XKR9: variants seen among roughly 807,000 people sequenced by gnomAD.
The protein encoded by XKR9 is XK related 9.
A neutral mutation model predicts 32.0 loss-of-function variants in XKR9; 32 were observed. That is an observed-to-expected ratio of 1.00 (90% CI 0.76 to 1.34). The LOEUF (loss-of-function observed/expected upper bound fraction) is 1.34, where lower values mean the gene tolerates loss of function less well. Ranked by LOEUF, XKR9 falls within the 40% of genes most tolerant of loss-of-function variation. The pLI, the probability that XKR9 is intolerant of heterozygous loss-of-function variation, is 0.00. For missense variants in XKR9, 546 were observed against 429.7 expected (o/e 1.27, Z -2.39); for synonymous variants, 168 against 143.4 (o/e 1.17, Z -1.22).
the XKR9 span, among the ~76,000 whole-genome samples, chr8:70,978,629 T>G: frequency 1.1e-4 from 16 of 152,240 alleles, no homozygotes; most frequent in Admixed American, 2.6e-4. Context: ...CACTTTCTTT[T>G]GTGGGTAACC....
chr8:71,030,616 A>G, the XKR9 span, among the ~76,000 whole-genome samples: 1 of 152,212 alleles, frequency 6.6e-6, no homozygotes, highest in South Asian at 2.1e-4. Context: ...TGGGAATTTA[A>G]TGATAAAATT....
At chr8:71,006,760 G>A in the XKR9 span, among the ~76,000 whole-genome samples, 1 of 152,264 alleles carries the variant, frequency 6.6e-6, no homozygotes, top group Non-Finnish European at 1.5e-5. Flanking sequence ...AAAAACTGAA[G>A]CAGCCATTGT....
At chr8:70,887,489 G>A in the XKR9 span, among the ~76,000 whole-genome samples, 2 of 152,088 alleles carry the variant, frequency 1.3e-5, no homozygotes, top group Non-Finnish European at 2.9e-5. Context: ...GATGGGAATA[G>A]CATTGAATCT....
the XKR9 span, among the ~76,000 whole-genome samples, chr8:70,819,848 A>C: frequency 1.3e-5 from 2 of 152,260 alleles, no homozygotes; most frequent in East Asian, 1.9e-4. Context: ...CTCTATGTTG[A>C]GATTTGGACC....
At chr8:70,871,145 G>A in the XKR9 span, among the ~76,000 whole-genome samples, 18 of 152,100 alleles carry the variant, frequency 1.2e-4, no homozygotes, top group South Asian at 3.5e-3. Context: ...GTTGCATAAT[G>A]ATTTTCTATT....
At chr8:70,858,945 G>A in the XKR9 span, among the ~76,000 whole-genome samples, 19 of 152,024 alleles carry the variant, frequency 1.2e-4, no homozygotes, top group Non-Finnish European at 1.8e-4. Flanking sequence ...CTTTGTCTGG[G>A]CAAAGATTTT....
the XKR9 span, among the ~76,000 whole-genome samples, chr8:70,806,182 C>T: frequency 2.6e-5 from 4 of 152,112 alleles, no homozygotes; most frequent in African/African-American, 9.7e-5. Context: ...AGGGACCTGA[C>T]CATTGAAAGA....
the XKR9 span, among the ~76,000 whole-genome samples, chr8:70,815,980 A>G: frequency 1.3e-5 from 2 of 152,124 alleles, no homozygotes; most frequent in South Asian, 2.1e-4. Context: ...TTATAATAGA[A>G]CAATTTATAT....
intron 2 of XKR9, among the ~76,000 whole-genome samples, chr8:70,782,800 C>T (rs1049813838): frequency 6.6e-6 from 1 of 151,884 alleles, no homozygotes; most frequent in Non-Finnish European, 1.5e-5. Context: ...GTATGTAGAC[C>T]ACATTTTATT....
the XKR9 span, among the ~76,000 whole-genome samples, chr8:70,798,549 A>C: frequency 6.6e-6 from 1 of 152,182 alleles, no homozygotes; most frequent in Admixed American, 6.5e-5. Context: ...GAAGCTCCTC[A>C]GTTTAATCAG....
At chr8:71,006,407 T>A in the XKR9 span, among the ~76,000 whole-genome samples, 6 of 152,194 alleles carry the variant, frequency 3.9e-5, no homozygotes, top group Non-Finnish European at 7.4e-5. Context: ...ATCCTTCCAA[T>A]GTGGTCCAGG....
chr8:70,791,821 A>G (rs1302482714), downstream of XKR9, among the ~76,000 whole-genome samples: 1 of 152,136 alleles, frequency 6.6e-6, no homozygotes, highest in Admixed American at 6.6e-5. Flanking sequence ...ATTGTATAAA[A>G]TTCAGCAACA....
chr8:70,743,975 T>G (rs1233499230), intron 2 of XKR9, among the ~76,000 whole-genome samples: 1 of 151,982 alleles, frequency 6.6e-6, no homozygotes, highest in Non-Finnish European at 1.5e-5. Flanking sequence ...TGTGAGACGA[T>G]TTGTGCAGTA....
chr8:70,945,706 C>T, the XKR9 span, among the ~76,000 whole-genome samples: 1 of 152,138 alleles, frequency 6.6e-6, no homozygotes, highest in African/African-American at 2.4e-5. Context: ...TGTAAACAAA[C>T]ATCTCCTGAA....
the XKR9 span, among the ~76,000 whole-genome samples, chr8:71,045,061 T>C: frequency 6.6e-6 from 1 of 152,198 alleles, no homozygotes; most frequent in African/African-American, 2.4e-5. Flanking sequence ...TATATGTGAG[T>C]GTGTGTATAC....
chr8:71,045,567 T>A, the XKR9 span, among the ~76,000 whole-genome samples: 2 of 152,208 alleles, frequency 1.3e-5, no homozygotes, highest in Non-Finnish European at 2.9e-5. Context: ...GAGGTAGCAC[T>A]TTTGTGGCCC....
At chr8:70,836,392 T>C in the XKR9 span, among the ~76,000 whole-genome samples, 2 of 152,038 alleles carry the variant, frequency 1.3e-5, no homozygotes, top group African/African-American at 4.8e-5. Context: ...TGTGTGTGTA[T>C]TTACTTCAGG....
chr8:70,707,163 T>G lies in XKR9; in HGVS notation c.493+10T>G. 4.4e-6 allele frequency: 7 copies of G among 1,607,958 alleles called. No individual in the cohort carries two copies. Among genetic ancestry groups the G allele is most frequent in the Non-Finnish European group, 6.0e-6 (7 of 1,175,376 alleles). On this transcript the variant is annotated intron_variant, in intron 4 of 4. Coordinates refer to ENST00000408926, the MANE Select transcript of XKR9 (RefSeq NM_001011720.2). Reference sequence around the variant, plus strand: ...GCGAATTTCAGTCAGTGTAAGTTTTTCTTAACTCCTTGTGTTAAATGGATG... The same window carrying G: ...GCGAATTTCAGTCAGTGTAAGTTTTGCTTAACTCCTTGTGTTAAATGGATG...
chr8:70,751,950 C>T (rs74359959), intron 2 of XKR9, among the ~76,000 whole-genome samples: 5,691 of 152,290 alleles, frequency 0.037, 167 homozygotes, highest in Admixed American at 0.055. Context: ...AAGCCCGTCT[C>T]ATGTATCTCT....
Sources: allele counts gnomAD v4.1 joint callset (sites outside exome capture counted in the v4.1 genomes callset), GRCh38; gene constraint gnomAD v4.1.1; transcripts MANE v1.5; gene names NCBI Gene and HGNC (gene_info 2026-07-23, HGNC 2026-07-21).